Variants in LCT observed in about 807,000 individuals in gnomAD.
LCT encodes lactase/phlorizin hydrolase.
In LCT, 90 loss-of-function variants were observed where a neutral mutation model predicts 173.0. That is an observed-to-expected ratio of 0.52 (90% confidence interval 0.44 to 0.62). The LOEUF (loss-of-function observed/expected upper bound fraction) is 0.62. Ranked by LOEUF, LCT falls within the 20% of genes least tolerant of loss-of-function variation. The pLI is 0.00. For missense variants in LCT, 1,864 were observed against 2,431.4 expected (o/e 0.77, Z 4.91); for synonymous variants, 853 against 957.6 (o/e 0.89, Z 2.02).
Position 135,809,220 on chromosome 2 carries a change from C to T in LCT, c.3127G>A (p.Asp1043Asn), listed in dbSNP as rs780694432. The change falls in exon 8 of 17, where the codon GAC becomes AAC. Residue 1043 changes from aspartate (D) to asparagine (N), a missense_variant. By Grantham distance (23) the Asp-to-Asn change is conservative. Coordinates refer to ENST00000264162, the MANE Select transcript of LCT (RefSeq NM_002299.4). This position sits in a 1 kb window ranked among gnomAD's most constrained non-coding sequence, Gnocchi z 5.5. ...WENPALIDLF[D>N]SYADFCFQTF... ...TGGAAACAAAAGTCTGCGTAGCTGT[C>T]AAACAAGTCAATCAAGGCAGGATTC... 11 of 1,614,222 alleles carry T rather than the reference C, an allele frequency of 6.8e-6. No individual in the cohort carries two copies. Among genetic ancestry groups the T allele is most frequent in the Non-Finnish European group, 9.3e-6 (11 of 1,180,040 alleles).
chr2:135,817,906 G>A lies in LCT; in HGVS notation c.1142C>T (p.Thr381Ile), dbSNP rs917126758. Residue 381 changes from threonine (T) to isoleucine (I), a missense_variant, in exon 6 of 17, where the codon ACT becomes ATT. By Grantham distance (89) the Thr-to-Ile change is moderately conservative. Transcript: ENST00000264162. ...ACCCCAGAGGAAGCCTTCAGGGAAA[G>A]TATCCTGCAGGAAGGCATCCCTTTC... Reference protein sequence around the residue: ...RAERDAFLQDTFPEGFLWGAS... With the variant: ...RAERDAFLQDIFPEGFLWGAS... 1.2e-6 allele frequency: 2 copies of A among 1,614,040 alleles called. No homozygotes were observed. The highest frequency in any genetic ancestry group is 2.2e-5 in the South Asian group (2 of 91,082).
chr2:135,788,961 A>G (rs1161706143), intron 16 of LCT, among the ~76,000 whole-genome samples: 1 of 152,226 alleles, frequency 6.6e-6, no homozygotes, highest in Non-Finnish European at 1.5e-5. Context: ...AATATGTTAA[A>G]TAATTGTGTG....
intron 1 of LCT, among the ~76,000 whole-genome samples, chr2:135,834,787 CAAAAAAAAAAAAA>C (rs60298631): frequency 2.9e-5 from 1 of 34,166 alleles, no homozygotes; most frequent in South Asian, 3.2e-3. Context: ...GACTCCATCT[CAAAAAAAAAAAAA>C]AAAAAAAAAA....
At chr2:135,821,654 T>C (rs907959077) in intron 5 of LCT, 5 of 281,924 alleles carry the variant, frequency 1.8e-5, no homozygotes, top group African/African-American at 6.7e-5. Context: ...CTAATTTTTG[T>C]ATTTTTGTAA....
At position 135,788,561 on chromosome 2, in the gene LCT, CAG is replaced by C; in HGVS notation, c.5564-19_5564-18del. 6.6e-7 allele frequency: 1 copy of C among 1,525,456 alleles called. No homozygotes were observed. Among genetic ancestry groups the C allele is most frequent in the Non-Finnish European group, 9.1e-7 (1 of 1,099,170 alleles). The allele number at this position is 1,525,456 out of a possible 1,614,324, so 94.5% of individuals were successfully genotyped here. On this transcript the variant is annotated intron_variant, in intron 16 of 16. Transcript: ENST00000264162. ...GTCCAGCATCTAGGAGAGTGTGACA[CAG>C]GGTGGTTGGTGCTCTGGCGCTGATT... is the stretch of plus-strand genomic sequence containing the variant.
At chr2:135,829,531 C>G (rs2077915809) in intron 3 of LCT, 62 bp downstream of exon 3, 2 of 1,219,684 alleles carry the variant, frequency 1.6e-6, no homozygotes, top group Non-Finnish European at 2.4e-6. Flanking sequence ...CATTAAATGT[C>G]TAATCTGCTC....
intron 3 of LCT, among the ~76,000 whole-genome samples, chr2:135,826,865 G>A (rs2105552111): frequency 6.6e-6 from 1 of 152,346 alleles, no homozygotes; most frequent in East Asian, 1.9e-4. Flanking sequence ...GCCCTGGGCA[G>A]CAAGCAAGTT....
rs765138093 is a variant in LCT at position 135,822,095 on chromosome 2, A to T, written c.911T>A (p.Ile304Lys). ...AATGGTGAGCACTTGGTCTTTATTT[A>T]TGGCTGTAAGAGAAGAAATTGAATT... ...ASLLFSLFEA[I>K]NKDQVLTIGF... Residue 304 changes from isoleucine (I) to lysine (K), a missense_variant, in exon 5 of 17, where the codon ATA (isoleucine) becomes AAA (lysine). Ile to Lys is a moderately radical substitution (Grantham distance 102). Transcript: ENST00000264162. 6.3e-7 allele frequency: 1 copy of T among 1,578,268 alleles called. No individual in the cohort carries two copies. The highest frequency in any genetic ancestry group is 8.7e-7 in the Non-Finnish European group (1 of 1,147,294).
At chr2:135,835,246 CTTTTG>C (rs1192421288) in intron 1 of LCT, among the ~76,000 whole-genome samples, 2 of 151,730 alleles carry the variant, frequency 1.3e-5, no homozygotes, top group African/African-American at 4.8e-5. Context: ...TCAAGTTTTT[CTTTTG>C]TTTTAAGCAA....
At chr2:135,804,337 T>A (rs1324994214) in intron 10 of LCT, among the ~76,000 whole-genome samples, 1 of 152,204 alleles carries the variant, frequency 6.6e-6, no homozygotes, top group Non-Finnish European at 1.5e-5. Flanking sequence ...GGAAGGAAAC[T>A]CTTTTATGCT....
intron 3 of LCT, 77 bp from the exon 4 acceptor site, chr2:135,824,080 T>C (rs778351417): frequency 1.1e-4 from 104 of 950,492 alleles, no homozygotes; most frequent in Non-Finnish European, 1.6e-4. Context: ...AGTTTCAAGA[T>C]GAGAAGCTGT....
chr2:135,793,088 G>A lies in LCT; in HGVS notation c.5111+1553C>T, dbSNP rs564609379. Among the ~76,000 whole-genome samples the A allele has an allele frequency of 1.8e-4, 28 of 152,266 alleles. No homozygotes were observed. The South Asian group carries it at 4.3e-3, about 24-fold the overall frequency. On this transcript the variant is annotated intron_variant, in intron 14 of 16. Transcript: ENST00000264162. The stretch of plus-strand genomic sequence containing the variant: ...AGAGAAAACAACAACTAATTCCACT[G>A]CCTGCAACATCCTGGCTAACCAGAG...
At chr2:135,835,216 G>A (rs1157725584) in intron 1 of LCT, among the ~76,000 whole-genome samples, 1 of 151,980 alleles carries the variant, frequency 6.6e-6, no homozygotes, top group Non-Finnish European at 1.5e-5. Flanking sequence ...GAACCTAAAA[G>A]ACCATTGAAA....
intron 5 of LCT, among the ~76,000 whole-genome samples, chr2:135,819,038 G>A (rs1414490804): frequency 6.6e-6 from 1 of 152,176 alleles, no homozygotes; most frequent in East Asian, 1.9e-4. Context: ...CCTTGTTAAA[G>A]GTGACAAAGC....
In LCT at chr2:135,809,645, C is replaced by G. The variant is rs768613307; in HGVS notation, c.2702G>C (p.Gly901Ala). 5.0e-6 allele frequency: 8 copies of G among 1,614,228 alleles called. No homozygotes were observed. Among genetic ancestry groups the G allele is most frequent in the Non-Finnish European group, 6.8e-6 (8 of 1,180,048 alleles). The change falls in exon 8 of 17, where the codon GGG (glycine) becomes GCG (alanine). Residue 901 changes from glycine to alanine, a missense_variant. Gly to Ala is a moderately conservative substitution (Grantham distance 60). Coordinates refer to ENST00000264162, the MANE Select transcript of LCT (RefSeq NM_002299.4). The surrounding 1 kb of genome is among the most constrained non-coding windows in gnomAD (Gnocchi z 5.5). ...PKFERDLFYH[G>A]TFRDDFLWGV... ...CCACAGAAAGTCATCCCGAAACGTC[C>G]CGTGGTAGAACAAATCTCTTTCGAA...
chr2:135,831,574 G>C (rs530519694), intron 2 of LCT, among the ~76,000 whole-genome samples: 20 of 152,290 alleles, frequency 1.3e-4, no homozygotes, highest in African/African-American at 4.8e-4. Context: ...GCATTTTTCT[G>C]ATCAGCACTT....
intron 13 of LCT, among the ~76,000 whole-genome samples, chr2:135,795,792 G>A (rs2105521567): frequency 6.6e-6 from 1 of 150,990 alleles, no homozygotes; most frequent in East Asian, 2.0e-4. Context: ...TGAGGACACT[G>A]CACGCCCCCT....
Position 135,804,098 on chromosome 2 carries a change from T to C in LCT, c.4495A>G (p.Thr1499Ala), listed in dbSNP as rs1216668783. The change falls in exon 11 of 17, where the codon ACG (threonine) becomes GCG (alanine). Residue 1499 changes from threonine to alanine, a missense_variant. Transcript: ENST00000264162. ...VTIYHWDLPQ[T>A]LQDVGGWENE... ...TCCCAGCCTCCTACATCTTGGAGCG[T>C]CTGTGGTAGGTCCCAGTGGTAAATG... 6.2e-7 allele frequency: 1 copy of C among 1,614,056 alleles called. No individual in the cohort carries two copies. Among genetic ancestry groups the C allele is most frequent in the Non-Finnish European group, 8.5e-7 (1 of 1,180,012 alleles).
Position 135,798,011 on chromosome 2 carries a change from C to A in LCT, c.4976+18G>T, listed in dbSNP as rs369435798. 3.0e-5 allele frequency: 43 copies of A among 1,434,362 alleles called. No homozygotes were observed. Among genetic ancestry groups the A allele is most frequent in the Non-Finnish European group, 4.0e-5 (41 of 1,015,452 alleles). The allele number at this position is 1,434,362 out of a possible 1,614,324, so 88.9% of individuals were successfully genotyped here. ...CCCGACGCCCATGCCCTCACCACTG[C>A]GGGCACCAGGCCCTTACCGAGACTT... On this transcript the variant is annotated intron_variant, in intron 13 of 16. Transcript: ENST00000264162.
Sources: allele counts gnomAD v4.1 joint callset (sites outside exome capture counted in the v4.1 genomes callset), GRCh38; gene constraint gnomAD v4.1.1; non-coding constraint Gnocchi (gnomAD v3.1); transcripts MANE v1.5; gene names NCBI Gene and HGNC (gene_info 2026-07-23, HGNC 2026-07-21).